Variants in ERBB4 observed in about 807,000 individuals in gnomAD.
The protein encoded by ERBB4 is erb-b2 receptor tyrosine kinase 4, also known as receptor tyrosine-protein kinase erbB-4.
Under a neutral mutation model 158.0 loss-of-function variants are expected in ERBB4, and 42 were observed. The observed-to-expected ratio is 0.27, with a 90% CI of 0.21 to 0.34. The LOEUF is 0.34. Among genes scored for constraint, ERBB4 ranks in the 10% least tolerant of loss-of-function variants. The pLI is 1.00. For missense variants in ERBB4, 1,333 were observed against 1,624.1 expected, an observed-to-expected ratio of 0.82 and a Z score of 3.08; for synonymous variants, 583 against 558.7, an observed-to-expected ratio of 1.04 and a Z score of -0.61.
chr2:212,368,990 A>C (rs12472963), intron 1 of ERBB4, among the ~76,000 whole-genome samples: 59,261 of 151,966 alleles, frequency 0.39, 12,836 homozygotes, highest in African/African-American at 0.59. Flanking sequence ...TCTGAATTAG[A>C]ATCTACCTTG....
intron 2 of ERBB4, among the ~76,000 whole-genome samples, chr2:211,979,969 AAT>A (rs749838737): frequency 5.9e-5 from 9 of 152,184 alleles, no homozygotes; most frequent in Non-Finnish European, 1.0e-4. Context: ...AATTTTCTTT[AAT>A]ATATGTCTTC....
intron 1 of ERBB4, among the ~76,000 whole-genome samples, chr2:212,151,966 C>G (rs115188983): frequency 6.6e-6 from 1 of 152,286 alleles, no homozygotes; most frequent in East Asian, 1.9e-4. Context: ...CCAAGTTCCA[C>G]TCTTTATTCT....
intron 2 of ERBB4, among the ~76,000 whole-genome samples, chr2:212,118,807 A>G (rs1019541325): frequency 3.9e-4 from 60 of 152,170 alleles, no homozygotes; most frequent in African/African-American, 1.4e-3. Flanking sequence ...ATAAAAGCAA[A>G]TTATGTTTTT....
chr2:211,798,696 A>G (rs2076434420), intron 3 of ERBB4, among the ~76,000 whole-genome samples: 1 of 152,162 alleles, frequency 6.6e-6, no homozygotes, highest in Non-Finnish European at 1.5e-5. Flanking sequence ...TGACCAAATG[A>G]AAACCTTTGA....
chr2:212,318,456 TTA>T (rs1318137101), intron 1 of ERBB4, among the ~76,000 whole-genome samples: 1 of 151,562 alleles, frequency 6.6e-6, no homozygotes, highest in Non-Finnish European at 1.5e-5. Context: ...TTGTTTTCAA[TTA>T]GTTATTTCTT....
chr2:211,712,781 G>C (rs567736098), intron 8 of ERBB4, among the ~76,000 whole-genome samples: 2 of 152,036 alleles, frequency 1.3e-5, no homozygotes, highest in Admixed American at 1.3e-4. Context: ...GTGTGGGTGG[G>C]GGGGGATGTA....
intron 16 of ERBB4, among the ~76,000 whole-genome samples, chr2:211,641,158 C>T (rs1053588388): frequency 6.6e-6 from 1 of 152,078 alleles, no homozygotes; most frequent in African/African-American, 2.4e-5. Context: ...GACAACATTC[C>T]ATTCCATTCC....
At chr2:211,629,499 C>G (rs2070012963) in intron 17 of ERBB4, among the ~76,000 whole-genome samples, 1 of 152,110 alleles carries the variant, frequency 6.6e-6, no homozygotes, top group Non-Finnish European at 1.5e-5. Flanking sequence ...TCAATGCCAT[C>G]CCCATCAAGC....
intron 2 of ERBB4, among the ~76,000 whole-genome samples, chr2:212,123,462 C>T (rs1020813093): frequency 6.6e-6 from 1 of 152,128 alleles, no homozygotes; most frequent in African/African-American, 2.4e-5. Context: ...TTAAGGCCCT[C>T]TAATTCTATG....
At chr2:212,435,230 T>C (rs1466102852) in intron 1 of ERBB4, among the ~76,000 whole-genome samples, 2 of 151,972 alleles carry the variant, frequency 1.3e-5, no homozygotes, top group Admixed American at 6.6e-5. Context: ...CCTACCATAC[T>C]ACCTAATCCC....
At chr2:212,251,779 A>C (rs780811554) in intron 1 of ERBB4, among the ~76,000 whole-genome samples, 1 of 152,026 alleles carries the variant, frequency 6.6e-6, no homozygotes, top group Non-Finnish European at 1.5e-5. Flanking sequence ...ACAGGTGGTC[A>C]GACCATGTAG....
chr2:211,768,797 C>T (rs1251610538), intron 4 of ERBB4, among the ~76,000 whole-genome samples: 1 of 143,166 alleles, frequency 7.0e-6, no homozygotes, highest in Non-Finnish European at 1.6e-5. Context: ...CGAGGGTTGC[C>T]ATGAAGACCT....
chr2:211,484,998 A>C (rs2065169118), intron 20 of ERBB4, among the ~76,000 whole-genome samples: 1 of 152,194 alleles, frequency 6.6e-6, no homozygotes, highest in South Asian at 2.1e-4. Flanking sequence ...CTGAAAGTGA[A>C]CATAGTCTGA....
intron 19 of ERBB4, among the ~76,000 whole-genome samples, chr2:211,591,825 C>A (rs1024452678): frequency 2.6e-5 from 4 of 152,286 alleles, no homozygotes; most frequent in Admixed American, 6.5e-5. Context: ...AATATAAAAA[C>A]CATGTAACTT....
At position 212,389,188 on chromosome 2, in the gene ERBB4, G is replaced by A. The variant is rs1179387454; in HGVS notation, c.82+149261C>T. Among the ~76,000 whole-genome samples, 3 of 152,006 alleles carry A rather than the reference G, an allele frequency of 2.0e-5. No individual in the cohort carries two copies. The East Asian group carries it at 5.8e-4, about 29-fold the overall frequency. On this transcript the variant is annotated intron_variant, in intron 1 of 27. Coordinates refer to ENST00000342788, the MANE Select transcript of ERBB4 (RefSeq NM_005235.3). The stretch of plus-strand genomic sequence containing the variant: ...ACCCCTCTTACATTTTGGTAAATGT[G>A]ATGTAGTTACATAATGATTATCCAA...
At chr2:211,564,303 T>C (rs1306131539) in intron 19 of ERBB4, among the ~76,000 whole-genome samples, 2 of 152,134 alleles carry the variant, frequency 1.3e-5, no homozygotes, top group Admixed American at 6.5e-5. Context: ...GAAGAACTGT[T>C]TTCAGCGGGA....
Position 211,679,124 on chromosome 2 carries a change from G to C in ERBB4, c.1550C>G (p.Pro517Arg), listed in dbSNP as rs1184830913. Residue 517 changes from proline (P) to arginine (R), a missense_variant, in exon 13 of 28, where the codon CCA becomes CGA. Coordinates refer to ENST00000342788, the MANE Select transcript of ERBB4 (RefSeq NM_005235.3). Reference sequence around the variant, plus strand: ...GCGGCGACACGACAGACATTGGTCTGGCCCAGGTCCCCAACAGCCATCACT... The same window carrying C: ...GCGGCGACACGACAGACATTGGTCTCGCCCAGGTCCCCAACAGCCATCACT... ...CSSDGCWGPG[P>R]DQCLSCRRFS... is the part of the protein sequence containing the mutation. 2 of 1,613,972 alleles carry C rather than the reference G, an allele frequency of 1.2e-6. No individual in the cohort carries two copies. Among genetic ancestry groups the C allele is most frequent in the South Asian group, 1.1e-5 (1 of 91,048 alleles).
At chr2:211,716,726 A>T (rs879782146) in intron 7 of ERBB4, among the ~76,000 whole-genome samples, 36 of 152,274 alleles carry the variant, frequency 2.4e-4, no homozygotes, top group Non-Finnish European at 4.9e-4. Context: ...AAAACAAAAA[A>T]AAAAGAAGAA....
At chr2:211,398,780 G>A (rs986571700) in intron 25 of ERBB4, among the ~76,000 whole-genome samples, 1 of 152,166 alleles carries the variant, frequency 6.6e-6, no homozygotes, top group South Asian at 2.1e-4. Flanking sequence ...GCAGTAAGCC[G>A]AGATTGCGCC....
Sources: allele counts gnomAD v4.1 joint callset (sites outside exome capture counted in the v4.1 genomes callset), GRCh38; gene constraint gnomAD v4.1.1; transcripts MANE v1.5; gene names NCBI Gene and HGNC (gene_info 2026-07-23, HGNC 2026-07-21).